The following ETV1 variants were observed in gnomAD, a reference collection of about 807,000 sequenced individuals.
ETV1 encodes the protein ETS translocation variant 1.
In ETV1, 27 loss-of-function variants were observed where a neutral mutation model predicts 62.3. That is an observed-to-expected ratio of 0.43 (90% CI 0.32 to 0.60). The LOEUF (loss-of-function observed/expected upper bound fraction) is 0.60, where lower values mean the gene tolerates loss of function less well. ETV1 is among the 20% of genes least tolerant of loss of function. The pLI is 0.06. For missense variants in ETV1, 605 were observed against 605.8 expected, an observed-to-expected ratio of 1.00 and a Z score of 0.01; for synonymous variants, 222 against 199.6, an observed-to-expected ratio of 1.11 and a Z score of -0.94.
chr7:13,942,105 G>C (rs1437175167), intron 6 of ETV1, among the ~76,000 whole-genome samples: 1 of 143,720 alleles, frequency 7.0e-6, no homozygotes, highest in African/African-American at 2.6e-5. Flanking sequence ...CTCACTGCAA[G>C]CTCCACCTCC....
chr7:13,896,730 A>C (rs1209772043), intron 13 of ETV1, among the ~76,000 whole-genome samples: 1 of 125,042 alleles, frequency 8.0e-6, no homozygotes, highest in East Asian at 2.3e-4. Flanking sequence ...AAAGAAAAAG[A>C]AAAAGAAAGA....
intron 9 of ETV1, among the ~76,000 whole-genome samples, chr7:13,920,282 A>G (rs1784690620): frequency 6.6e-6 from 1 of 152,162 alleles, no homozygotes; most frequent in African/African-American, 2.4e-5. Flanking sequence ...CATTCACTAT[A>G]CATTAGGAAC....
rs75328343 is a variant in ETV1, at chr7:13,949,517, G to C, written c.236-10271C>G. 4.4e-3 allele frequency among the ~76,000 whole-genome samples: 673 copies of C among 152,182 alleles called. 6 individuals are homozygous for C. Among genetic ancestry groups the C allele is most frequent in the Middle Eastern group, 0.02 (6 of 294 alleles). ...TTCAGCTGCATCTGAGGCTCTCAAA[G>C]ATTCTTTCTAGTACATTTACCTCTT... On this transcript the variant is annotated intron_variant, in intron 6 of 13. Coordinates refer to ENST00000430479, the MANE Select transcript of ETV1 (RefSeq NM_004956.5).
At chr7:13,959,090 A>G (rs1789842902) in intron 6 of ETV1, 1 of 151,728 alleles carries the variant, frequency 6.6e-6, no homozygotes, top group Non-Finnish European at 1.5e-5. Flanking sequence ...AGGACCACTC[A>G]TTTAATTTGT....
chr7:13,897,060 G>A (rs554642300), intron 13 of ETV1, among the ~76,000 whole-genome samples: 1 of 151,374 alleles, frequency 6.6e-6, no homozygotes, highest in South Asian at 2.1e-4. Flanking sequence ...ATTCTGAAGA[G>A]TAATGCTTCC....
chr7:13,947,700 C>T (rs1459945939), intron 6 of ETV1, among the ~76,000 whole-genome samples: 1 of 152,194 alleles, frequency 6.6e-6, no homozygotes, highest in Non-Finnish European at 1.5e-5. Context: ...GCATGAGCAC[C>T]ACTATCACAT....
At chr7:13,948,097 T>A (rs1023717459) in intron 6 of ETV1, among the ~76,000 whole-genome samples, 1 of 152,238 alleles carries the variant, frequency 6.6e-6, no homozygotes, top group South Asian at 2.1e-4. Flanking sequence ...TTTATTACTG[T>A]GACCAAAGGC....
intron 6 of ETV1, among the ~76,000 whole-genome samples, chr7:13,945,292 T>A (rs967152466): frequency 6.6e-6 from 1 of 152,158 alleles, no homozygotes; most frequent in African/African-American, 2.4e-5. Context: ...AGAGTTTTTT[T>A]TAAAAATCCA....
intron 12 of ETV1, among the ~76,000 whole-genome samples, chr7:13,901,310 T>G (rs1048295065): frequency 6.6e-6 from 1 of 152,150 alleles, no homozygotes; most frequent in Admixed American, 6.5e-5. Flanking sequence ...TGGCCTGGTT[T>G]GCATTTTAAA....
intron 5 of ETV1, among the ~76,000 whole-genome samples, chr7:13,982,893 TAGTA>T (rs1554318274): frequency 1.3e-5 from 2 of 151,950 alleles, no homozygotes; most frequent in African/African-American, 2.4e-5. Context: ...ACATTACACA[TAGTA>T]AGTAACAATA....
At chr7:13,986,868 T>C (rs1782596260) in intron 4 of ETV1, 183 bp from the exon 5 acceptor site, 1 of 545,954 alleles carries the variant, frequency 1.8e-6, no homozygotes, top group Non-Finnish European at 3.2e-6. Context: ...TTTTCATGCC[T>C]ATTAAGCAAC....
chr7:13,960,694 A>G (rs1387364686), intron 6 of ETV1, among the ~76,000 whole-genome samples: 1 of 152,172 alleles, frequency 6.6e-6, no homozygotes, highest in Non-Finnish European at 1.5e-5. Context: ...TTAAGATTTT[A>G]CCTCAGTGCC....
chr7:13,988,234 ACGCG>A, intron 3 of ETV1, 61 bp from the exon 4 acceptor site: 1 of 872,984 alleles, frequency 1.1e-6, no homozygotes, highest in South Asian at 1.3e-5. Context: ...ACACACGCAC[ACGCG>A]CGCGCACACA....
At chr7:13,958,139 T>C (rs1315245082) in intron 6 of ETV1, among the ~76,000 whole-genome samples, 1 of 152,242 alleles carries the variant, frequency 6.6e-6, no homozygotes, top group Non-Finnish European at 1.5e-5. Flanking sequence ...TTAGCATGTA[T>C]TTGTTTTAAA....
chr7:13,947,177 G>A (rs2128467880), intron 6 of ETV1, among the ~76,000 whole-genome samples: 1 of 152,290 alleles, frequency 6.6e-6, no homozygotes. Context: ...GATAATGTTT[G>A]TTACAACTGA....
In ETV1 at chr7:13,911,305, C is replaced by A; in HGVS notation, c.805G>T (p.Val269Leu). ...ATATAAATGGAGTGGCAGCTAGGCA[C>A]TTCTGAAAGAGGAAACAATATTGGT... Reference protein sequence around the residue: ...EPRDFAYDSEVPSCHSIYMRQ... With the variant: ...EPRDFAYDSELPSCHSIYMRQ... The change falls in exon 10 of 14, where the codon GTG becomes TTG. Residue 269 changes from valine (V) to leucine (L), a missense_variant and splice_region_variant. Val to Leu is a conservative substitution (Grantham distance 32, BLOSUM62 1). Coordinates refer to ENST00000430479, the MANE Select transcript of ETV1 (RefSeq NM_004956.5). 6.2e-7 allele frequency: 1 copy of A among 1,610,548 alleles called. No homozygotes were observed. Among genetic ancestry groups the A allele is most frequent in the Non-Finnish European group, 8.5e-7 (1 of 1,177,338 alleles).
At chr7:13,945,615 T>A (rs975339382) in intron 6 of ETV1, among the ~76,000 whole-genome samples, 3 of 152,230 alleles carry the variant, frequency 2.0e-5, no homozygotes, top group African/African-American at 7.2e-5. Context: ...ATTTTAACTT[T>A]CCTGCTTCCT....
intron 6 of ETV1, among the ~76,000 whole-genome samples, chr7:13,943,997 G>T (rs972445862): frequency 6.6e-6 from 1 of 152,128 alleles, no homozygotes; most frequent in Admixed American, 6.5e-5. Flanking sequence ...TATTCCAGAT[G>T]GGTAGGAAAT....
intron 6 of ETV1, among the ~76,000 whole-genome samples, chr7:13,941,893 A>AG (rs1339052187): frequency 5.9e-5 from 9 of 151,480 alleles, no homozygotes; most frequent in Non-Finnish European, 1.3e-4. Flanking sequence ...AAATAAATAA[A>AG]TAAATAAATA....
Sources: gnomAD v4.1 joint callset for allele counts (sites outside exome capture counted in the v4.1 genomes callset) on GRCh38, gnomAD v4.1.1 for gene constraint, MANE v1.5 for transcripts, NCBI Gene and HGNC (gene_info 2026-07-23, HGNC 2026-07-21) for gene names.